Variants in ZFAND3 observed in about 807,000 individuals in gnomAD.
The protein encoded by ZFAND3 is zinc finger AN1-type containing 3.
ZFAND3 carries 10 observed loss-of-function variants against 29.6 expected under a neutral mutation model. The ratio of observed to expected loss-of-function variants is 0.34; its 90% CI spans 0.21 to 0.57. The LOEUF is 0.57. Ranked by LOEUF, ZFAND3 falls within the 20% of genes least tolerant of loss-of-function variation. The probability of loss-of-function intolerance (pLI) is 0.86; values close to 1 mark genes in which losing one functional copy is unlikely to be tolerated. For synonymous variants in ZFAND3, 128 were observed against 112.6 expected, an observed-to-expected ratio of 1.14 and a Z score of -0.87; for missense variants, 230 against 304.5, an observed-to-expected ratio of 0.76 and a Z score of 1.82.
chr6:37,882,098 G>A (rs58333612), intron 1 of ZFAND3, among the ~76,000 whole-genome samples: 32,584 of 152,062 alleles, frequency 0.21, 4,305 homozygotes, highest in African/African-American at 0.36. Context: ...TCTGACATTA[G>A]GGTCCTTTTC....
chr6:37,980,684 C>T (rs1487811715), intron 2 of ZFAND3, among the ~76,000 whole-genome samples: 2 of 152,044 alleles, frequency 1.3e-5, no homozygotes, highest in African/African-American at 4.8e-5. Flanking sequence ...TATGCCCTGC[C>T]CTATTAGCAA....
chr6:38,086,486 A>G lies in ZFAND3; in HGVS notation c.361+4029A>G, dbSNP rs533087893. The stretch of plus-strand genomic sequence containing the variant: ...ACATCATACCTTCAGATTACTAGAC[A>G]GAGTTTACATTTCTTCAGAGCTCAG... On this transcript the variant is annotated intron_variant, in intron 4 of 5. Coordinates refer to ENST00000287218, the MANE Select transcript of ZFAND3 (RefSeq NM_021943.3). Among the ~76,000 whole-genome samples the G allele has an allele frequency of 3.3e-5, 5 of 152,338 alleles. No homozygotes were observed. The South Asian group carries it at 6.2e-4, about 19-fold the overall frequency.
intron 2 of ZFAND3, among the ~76,000 whole-genome samples, chr6:37,964,665 GC>G (rs1762260105): frequency 6.6e-6 from 1 of 152,172 alleles, no homozygotes; most frequent in Non-Finnish European, 1.5e-5. Flanking sequence ...GCAGAGCAAA[GC>G]CAAAATACCC....
intron 2 of ZFAND3, among the ~76,000 whole-genome samples, chr6:37,997,346 A>G (rs1042554170): frequency 6.6e-6 from 1 of 152,206 alleles, no homozygotes; most frequent in African/African-American, 2.4e-5. Flanking sequence ...GGCCCTACAA[A>G]GAAAATGAGA....
chr6:37,896,524 TTC>T (rs1178303640), intron 1 of ZFAND3, among the ~76,000 whole-genome samples: 1 of 112,736 alleles, frequency 8.9e-6, no homozygotes, highest in Non-Finnish European at 1.8e-5. Flanking sequence ...TTTTCTTTCT[TTC>T]TTTCTTTCTT....
rs147623990 is a variant in ZFAND3 at position 38,116,729 on chromosome 6, G to A, written c.519G>A (p.Ser173=). Residue 173 remains serine, a synonymous_variant, in exon 5 of 6, where the codon TCG becomes TCA. Coordinates refer to ENST00000287218, the MANE Select transcript of ZFAND3 (RefSeq NM_021943.3). ...KLELVQQELG[S]CRCGYVFCML... is the part of the protein sequence containing the mutation. ...AGCTGGTGCAGCAGGAATTGGGATC[G>A]TGTCGCTGCGGTAAGCATCTCCCCC... The A allele has an allele frequency of 3.6e-4, 587 of 1,613,636 alleles. 1 individual carries two copies. The highest frequency in any genetic ancestry group is 4.3e-4 in the Non-Finnish European group (505 of 1,179,742).
chr6:38,074,630 A>G (rs369629166), intron 3 of ZFAND3, among the ~76,000 whole-genome samples: 2 of 152,366 alleles, frequency 1.3e-5, no homozygotes, highest in South Asian at 4.1e-4. Flanking sequence ...TAGAAGCTGT[A>G]GCAAGTTAAC....
At chr6:38,049,596 C>G (rs967006046) in intron 2 of ZFAND3, among the ~76,000 whole-genome samples, 4 of 152,060 alleles carry the variant, frequency 2.6e-5, no homozygotes. Context: ...AGTTGATAGC[C>G]TTAATATGGA....
At chr6:38,147,774 T>G (rs1766140550) in intron 5 of ZFAND3, among the ~76,000 whole-genome samples, 1 of 152,248 alleles carries the variant, frequency 6.6e-6, no homozygotes, top group African/African-American at 2.4e-5. Context: ...ACATCTTCTT[T>G]TGATAATTGT....
intron 2 of ZFAND3, among the ~76,000 whole-genome samples, chr6:37,941,921 A>G (rs989071925): frequency 2.0e-5 from 3 of 152,172 alleles, no homozygotes; most frequent in African/African-American, 4.8e-5. Flanking sequence ...GAAACCTTGT[A>G]TAGTTTATAG....
chr6:37,918,280 T>G (rs1283271572), intron 1 of ZFAND3, among the ~76,000 whole-genome samples: 1 of 152,092 alleles, frequency 6.6e-6, no homozygotes, highest in African/African-American at 2.4e-5. Flanking sequence ...TTTCACCATA[T>G]TAGCCAGGAT....
At chr6:38,044,423 G>A (rs1033652825) in intron 2 of ZFAND3, among the ~76,000 whole-genome samples, 2 of 151,822 alleles carry the variant, frequency 1.3e-5, no homozygotes, top group African/African-American at 4.8e-5. Flanking sequence ...TAGTTTGTCT[G>A]AAATGAATGA....
intron 4 of ZFAND3, among the ~76,000 whole-genome samples, chr6:38,098,755 G>A (rs1765033149): frequency 6.6e-6 from 1 of 152,098 alleles, no homozygotes; most frequent in South Asian, 2.1e-4. Context: ...GCCTGCCTTG[G>A]CCTCCCAAAG....
rs977498448 is a variant in ZFAND3, at chr6:37,883,095, C to T, written c.72-46864C>T. The stretch of plus-strand genomic sequence containing the variant: ...ACAATTAGCTCGGTATAGAGTTGTG[C>T]ACCTGTAGTCCTAGCCACTTGGGAG... On this transcript the variant is annotated intron_variant, in intron 1 of 5. Transcript: ENST00000287218. 2.0e-5 allele frequency among the ~76,000 whole-genome samples: 3 copies of T among 152,110 alleles called. 1 individual carries two copies. Among genetic ancestry groups the T allele is most frequent in the South Asian group, 4.1e-4 (2 of 4,826 alleles).
In ZFAND3 at chr6:37,986,571, G is replaced by A. The variant is rs1480550445; in HGVS notation, c.112+56572G>A. ...CTTAGTTTAGTGGATAAAAATAAGC[G>A]TTTAATTAGTGAAAACCCGACTACC... On this transcript the variant is annotated intron_variant, in intron 2 of 5. Coordinates refer to ENST00000287218, the MANE Select transcript of ZFAND3 (RefSeq NM_021943.3). 4.6e-5 allele frequency among the ~76,000 whole-genome samples: 7 copies of A among 152,224 alleles called. No homozygotes were observed. The South Asian group carries it at 1.2e-3, about 27-fold the overall frequency.
At chr6:38,149,526 C>T (rs1023431657) in intron 5 of ZFAND3, among the ~76,000 whole-genome samples, 1 of 151,688 alleles carries the variant, frequency 6.6e-6, no homozygotes, top group African/African-American at 2.4e-5. Flanking sequence ...AGGGTAGCTA[C>T]TGTGATAGAG....
intron 1 of ZFAND3, among the ~76,000 whole-genome samples, chr6:37,892,547 C>G (rs2127397075): frequency 6.6e-6 from 1 of 152,224 alleles, no homozygotes; most frequent in South Asian, 2.1e-4. Flanking sequence ...TGTCCTTCTA[C>G]CTTCACTAGA....
intron 1 of ZFAND3, among the ~76,000 whole-genome samples, chr6:37,912,028 A>ATG (rs1561931374): frequency 1.2e-5 from 1 of 81,206 alleles, no homozygotes; most frequent in Non-Finnish European, 2.5e-5. Flanking sequence ...CCAGTCTTTT[A>ATG]TCTGTGTGTG....
chr6:37,902,290 A>ATT (rs1765332300), intron 1 of ZFAND3, among the ~76,000 whole-genome samples: 1 of 152,088 alleles, frequency 6.6e-6, no homozygotes, highest in South Asian at 2.1e-4. Flanking sequence ...ATACAAAATT[A>ATT]TTGTATTTTG....
Sources: gnomAD v4.1 joint callset for allele counts (sites outside exome capture counted in the v4.1 genomes callset) on GRCh38, gnomAD v4.1.1 for gene constraint, MANE v1.5 for transcripts, NCBI Gene and HGNC (gene_info 2026-07-23, HGNC 2026-07-21) for gene names.